The following METTL15 variants were observed in gnomAD, a reference collection of about 807,000 sequenced individuals.
METTL15 encodes the protein methyltransferase 15, mitochondrial 12S rRNA N4-cytidine, also known as 12S rRNA N(4)-cytidine methyltransferase METTL15.
Under a neutral mutation model 38.3 loss-of-function variants are expected in METTL15, and 34 were observed. The observed-to-expected ratio is 0.89, with a 90% CI of 0.68 to 1.18. The LOEUF is 1.18. METTL15 is among the 50% of genes most tolerant of loss of function. The pLI is 0.00. For missense variants in METTL15, 438 were observed against 498.4 expected, an observed-to-expected ratio of 0.88 and a Z score of 1.15; for synonymous variants, 162 against 170.9, an observed-to-expected ratio of 0.95 and a Z score of 0.41.
intron 3 of METTL15, among the ~76,000 whole-genome samples, chr11:28,184,173 C>T (rs117647395): frequency 0.031 from 4,699 of 151,842 alleles, 100 homozygotes; most frequent in South Asian, 0.046. Flanking sequence ...TCTTGCCTAG[C>T]GGTCTATCTG....
At chr11:28,427,413 C>T (rs1169079303) in intron 6 of METTL15, among the ~76,000 whole-genome samples, 1 of 151,964 alleles carries the variant, frequency 6.6e-6, no homozygotes, top group Non-Finnish European at 1.5e-5. Flanking sequence ...TCTTGGCTCT[C>T]TGGGCTTTTT....
At chr11:28,218,202 C>T (rs1319233559) in intron 4 of METTL15, among the ~76,000 whole-genome samples, 1 of 152,116 alleles carries the variant, frequency 6.6e-6, no homozygotes, top group Non-Finnish European at 1.5e-5. Flanking sequence ...ATGGAATGTT[C>T]TTCCACATGT....
At chr11:28,313,299 C>A (rs1857370514) in intron 6 of METTL15, among the ~76,000 whole-genome samples, 1 of 151,752 alleles carries the variant, frequency 6.6e-6, no homozygotes, top group Admixed American at 6.6e-5. Flanking sequence ...AAGAATTTAC[C>A]TTGTCTAATT....
chr11:28,141,672 A>G (rs1395569072), intron 3 of METTL15, among the ~76,000 whole-genome samples: 1 of 152,176 alleles, frequency 6.6e-6, no homozygotes, highest in East Asian at 1.9e-4. Flanking sequence ...TGGTTAACAC[A>G]CTGAAACCCT....
chr11:28,157,888 G>A (rs995269616), intron 3 of METTL15, among the ~76,000 whole-genome samples: 4 of 152,132 alleles, frequency 2.6e-5, no homozygotes, highest in Admixed American at 2.6e-4. Flanking sequence ...AGATAGTTCT[G>A]CACAATACCG....
At chr11:28,277,126 G>A (rs761192056) in intron 4 of METTL15, among the ~76,000 whole-genome samples, 75 of 152,218 alleles carry the variant, frequency 4.9e-4, no homozygotes, top group Non-Finnish European at 7.5e-4. Flanking sequence ...TATTGAATGG[G>A]AGAAAATATT....
chr11:28,296,748 C>A lies in METTL15; in HGVS notation c.600-5C>A, dbSNP rs201065517. The A allele has an allele frequency of 3.1e-6, 5 of 1,612,470 alleles. No individual in the cohort carries two copies. In the Admixed American group the frequency reaches 8.4e-5, roughly 27 times the overall value. On this transcript the variant is annotated splice_polypyrimidine_tract_variant and splice_region_variant and intron_variant, in intron 5 of 6. Transcript: ENST00000407364. ...AGTGAACTAATTGGCTCTTCTTGTGCGTAGGTACCCTGACATGCCCACTGC... is the reference window on the plus strand; with the variant it reads ...AGTGAACTAATTGGCTCTTCTTGTGAGTAGGTACCCTGACATGCCCACTGC...
chr11:28,525,858 G>T (rs1214282695), intron 6 of METTL15, among the ~76,000 whole-genome samples: 2 of 152,262 alleles, frequency 1.3e-5, no homozygotes, highest in Admixed American at 6.5e-5. Context: ...GGCGGCGCTT[G>T]TTGGGGAGGC....
At chr11:28,204,486 G>A (rs1267763322) in intron 3 of METTL15, among the ~76,000 whole-genome samples, 1 of 88,504 alleles carries the variant, frequency 1.1e-5, no homozygotes. Flanking sequence ...AATGCCAGTT[G>A]TCTAATTCCC....
chr11:28,523,240 A>G (rs924419396), intron 6 of METTL15, among the ~76,000 whole-genome samples: 14 of 152,244 alleles, frequency 9.2e-5, no homozygotes, highest in Non-Finnish European at 1.8e-4. Context: ...TGTATTTTCC[A>G]TCCCAAATAC....
At chr11:28,376,934 G>T (rs952640376) in intron 5 of METTL15, among the ~76,000 whole-genome samples, 1 of 131,430 alleles carries the variant, frequency 7.6e-6, no homozygotes, top group African/African-American at 2.6e-5. Flanking sequence ...AGTTTGGCTG[G>T]ATATGAAATT....
intron 5 of METTL15, among the ~76,000 whole-genome samples, chr11:28,381,066 C>T (rs1850378245): frequency 6.6e-6 from 1 of 152,162 alleles, no homozygotes; most frequent in Non-Finnish European, 1.5e-5. Flanking sequence ...TCATAGCTCA[C>T]TGAAGCCTTG....
At chr11:28,357,067 A>G (rs1850096855) in intron 4 of METTL15, among the ~76,000 whole-genome samples, 1 of 152,180 alleles carries the variant, frequency 6.6e-6, no homozygotes, top group South Asian at 2.1e-4. Context: ...CACACAGAAC[A>G]GTTCTTTGAA....
chr11:28,113,173 C>T, intron 2 of METTL15, 145 bp from the exon 3 acceptor site: 2 of 563,564 alleles, frequency 3.5e-6, no homozygotes, highest in Non-Finnish European at 6.2e-6. Context: ...AAGGGTTTGT[C>T]ACCTTTACTT....
intron 6 of METTL15, among the ~76,000 whole-genome samples, chr11:28,299,806 A>G (rs1856852754): frequency 6.6e-6 from 1 of 152,146 alleles, no homozygotes; most frequent in Admixed American, 6.6e-5. Context: ...TCTGAAATCA[A>G]GATGTTAGAA....
intron 5 of METTL15, among the ~76,000 whole-genome samples, chr11:28,377,181 T>C (rs1430503043): frequency 6.7e-6 from 1 of 148,244 alleles, no homozygotes; most frequent in African/African-American, 2.5e-5. Context: ...GCGTTCTCTG[T>C]ATTTCCTGAA....
chr11:28,149,930 A>C (rs1850022419), intron 3 of METTL15, among the ~76,000 whole-genome samples: 2 of 152,054 alleles, frequency 1.3e-5, no homozygotes, highest in Admixed American at 1.3e-4. Context: ...TCATTGAGAC[A>C]ACTGAGGAAT....
chr11:28,297,388 A>T (rs1438870657), intron 6 of METTL15, among the ~76,000 whole-genome samples: 1 of 152,102 alleles, frequency 6.6e-6, no homozygotes, highest in African/African-American at 2.4e-5. Context: ...GGAGAATTGC[A>T]TTGCCCAAAT....
At chr11:28,479,258 A>G (rs1385559820) in intron 6 of METTL15, among the ~76,000 whole-genome samples, 2 of 152,150 alleles carry the variant, frequency 1.3e-5, no homozygotes, top group Non-Finnish European at 2.9e-5. Context: ...TAACAGAATG[A>G]ATAAGAAAGA....
Sources: allele counts gnomAD v4.1 joint callset (sites outside exome capture counted in the v4.1 genomes callset), GRCh38; gene constraint gnomAD v4.1.1; transcripts MANE v1.5; gene names NCBI Gene and HGNC (gene_info 2026-07-23, HGNC 2026-07-21).